ENTREP2: variants seen among roughly 807,000 people sequenced by gnomAD.
ENTREP2 encodes endosomal transmembrane epsin interactor 2.
chr15:29,498,145 T>G, the ENTREP2 span, among the ~76,000 whole-genome samples: 4 of 152,188 alleles, frequency 2.6e-5, no homozygotes, highest in South Asian at 2.1e-4. Context: ...TCTCTCCTGC[T>G]GCCTTATGAA....
the ENTREP2 span, chr15:29,196,611 C>G: frequency 6.5e-7 from 1 of 1,529,594 alleles, no homozygotes; most frequent in East Asian, 2.5e-5. Flanking sequence ...AGGCATTCGA[C>G]CCCCGAGGGT....
chr15:29,623,185 C>T, the ENTREP2 span, among the ~76,000 whole-genome samples: 190 of 152,218 alleles, frequency 1.2e-3, 1 homozygote, highest in Middle Eastern at 3.4e-3. Flanking sequence ...CTCCTGGGGC[C>T]GTCTTCCCCT....
At chr15:29,234,601 T>G in the ENTREP2 span, 1 of 1,526,600 alleles carries the variant, frequency 6.6e-7, no homozygotes, top group Non-Finnish European at 9.1e-7. Flanking sequence ...CACAATCTTC[T>G]TTTGTGCAGC....
the ENTREP2 span, among the ~76,000 whole-genome samples, chr15:29,434,620 G>A: frequency 5.3e-5 from 8 of 152,124 alleles, no homozygotes; most frequent in African/African-American, 1.2e-4. Context: ...TCTCACTCTC[G>A]CAGGTTTGAC....
the ENTREP2 span, among the ~76,000 whole-genome samples, chr15:29,278,161 G>A: frequency 7.3e-6 from 1 of 136,994 alleles, no homozygotes; most frequent in Non-Finnish European, 1.6e-5. Context: ...AATAACCACA[G>A]CAAGCATGCT....
the ENTREP2 span, among the ~76,000 whole-genome samples, chr15:29,203,168 C>T: frequency 6.6e-6 from 1 of 152,148 alleles, no homozygotes; most frequent in East Asian, 1.9e-4. Flanking sequence ...TTTGGGAGGC[C>T]GAGGCAGGCG....
chr15:29,330,279 A>T, the ENTREP2 span, among the ~76,000 whole-genome samples: 1 of 151,470 alleles, frequency 6.6e-6, no homozygotes. Flanking sequence ...TCTACTAAAA[A>T]TACAAAAAAA....
the ENTREP2 span, among the ~76,000 whole-genome samples, chr15:29,661,484 C>T: frequency 6.6e-6 from 1 of 152,104 alleles, no homozygotes; most frequent in East Asian, 1.9e-4. Context: ...CAGGTGTGAG[C>T]CACCACACCC....
the ENTREP2 span, among the ~76,000 whole-genome samples, chr15:29,543,030 G>T: frequency 6.6e-6 from 1 of 152,164 alleles, no homozygotes; most frequent in Non-Finnish European, 1.5e-5. Flanking sequence ...ATGCTGTTAT[G>T]AACATGGATA....
chr15:29,260,040 T>C, the ENTREP2 span, among the ~76,000 whole-genome samples: 5 of 152,190 alleles, frequency 3.3e-5, no homozygotes, highest in African/African-American at 1.2e-4. Flanking sequence ...CAAGACAAAA[T>C]AGAAATTCTC....
chr15:29,341,024 C>A, the ENTREP2 span, among the ~76,000 whole-genome samples: 30 of 152,186 alleles, frequency 2.0e-4, no homozygotes, highest in Non-Finnish European at 3.4e-4. Flanking sequence ...GAGCCAGCAC[C>A]ATCTCACACT....
At chr15:29,474,346 G>T in the ENTREP2 span, among the ~76,000 whole-genome samples, 1 of 152,106 alleles carries the variant, frequency 6.6e-6, no homozygotes, top group Non-Finnish European at 1.5e-5. Flanking sequence ...ACCCCTCCTG[G>T]GTAGGGGCCC....
chr15:29,185,569 T>G, the ENTREP2 span, among the ~76,000 whole-genome samples: 1 of 152,158 alleles, frequency 6.6e-6, no homozygotes, highest in Non-Finnish European at 1.5e-5. Context: ...TGGTCCCTTT[T>G]TATTTATTTA....
At chr15:29,463,467 G>A in the ENTREP2 span, among the ~76,000 whole-genome samples, 4 of 152,132 alleles carry the variant, frequency 2.6e-5, no homozygotes, top group Admixed American at 6.5e-5. Flanking sequence ...TCATTGAGCC[G>A]TAGATTTACA....
the ENTREP2 span, among the ~76,000 whole-genome samples, chr15:29,248,529 A>G: frequency 6.1e-4 from 93 of 152,306 alleles, no homozygotes; most frequent in African/African-American, 2.2e-3. Context: ...TACAGAACAC[A>G]TACAGACAAA....
the ENTREP2 span, among the ~76,000 whole-genome samples, chr15:29,350,142 A>C: frequency 1.3e-5 from 2 of 152,056 alleles, no homozygotes; most frequent in Admixed American, 6.5e-5. Context: ...AAACTATCTA[A>C]ACTTGGTGTC....
the ENTREP2 span, chr15:29,123,494 C>A: frequency 6.4e-7 from 1 of 1,551,696 alleles, no homozygotes; most frequent in Non-Finnish European, 8.7e-7. Flanking sequence ...AAAACCCTGG[C>A]ATCCGCATAG....
At chr15:29,619,409 A>G in the ENTREP2 span, among the ~76,000 whole-genome samples, 1,610 of 152,136 alleles carry the variant, frequency 0.011, 37 homozygotes, top group African/African-American at 0.037. Context: ...AAATAAATAA[A>G]TAAGTCACAA....
chr15:29,472,551 G>A, the ENTREP2 span, among the ~76,000 whole-genome samples: 5 of 151,154 alleles, frequency 3.3e-5, no homozygotes, highest in South Asian at 2.1e-4. Flanking sequence ...TGCAACCTCC[G>A]CCTCCTGGGT....
Sources: allele counts gnomAD v4.1 joint callset (sites outside exome capture counted in the v4.1 genomes callset), GRCh38; gene constraint gnomAD v4.1.1; transcripts MANE v1.5; gene names NCBI Gene and HGNC (gene_info 2026-07-23, HGNC 2026-07-21).